Variants in GPHN observed in about 807,000 individuals in gnomAD.
GPHN encodes gephyrin.
Under a neutral mutation model 95.5 loss-of-function variants are expected in GPHN, and 17 were observed. The ratio of observed to expected loss-of-function variants is 0.18; its 90% CI spans 0.12 to 0.27. The LOEUF (loss-of-function observed/expected upper bound fraction) is 0.27. Ranked by LOEUF, GPHN falls within the 10% of genes least tolerant of loss-of-function variation. The pLI is 1.00. For missense variants in GPHN, 660 were observed against 978.1 expected (o/e 0.67, Z 4.34); for synonymous variants, 320 against 322.5 (o/e 0.99, Z 0.08).
the GPHN span, among the ~76,000 whole-genome samples, chr14:67,575,231 C>T: frequency 6.6e-6 from 1 of 152,100 alleles, no homozygotes; most frequent in South Asian, 2.1e-4. Flanking sequence ...GTCATGGCAC[C>T]CTCACTGTGA....
At chr14:67,193,390 GATATATCTAGATATATATCT>G in the GPHN span, among the ~76,000 whole-genome samples, 1 of 132,916 alleles carries the variant, frequency 7.5e-6, no homozygotes, top group African/African-American at 2.8e-5. Context: ...GATATATCTA[GATATATCTAGATATATATCT>G]ATATATCTAT....
the GPHN span, chr14:67,662,969 G>A: frequency 7.4e-7 from 1 of 1,344,888 alleles, no homozygotes; most frequent in Non-Finnish European, 9.5e-7. Context: ...CACTCCCACA[G>A]TGAACCACTT....
chr14:67,343,395 C>A, the GPHN span: 4 of 1,612,462 alleles, frequency 2.5e-6, no homozygotes, highest in Admixed American at 6.7e-5. Flanking sequence ...ATTTACACGC[C>A]TGTTGGTTAT....
intron 5 of GPHN, among the ~76,000 whole-genome samples, chr14:66,881,291 A>G (rs574038184): frequency 6.6e-6 from 1 of 151,952 alleles, no homozygotes; most frequent in Non-Finnish European, 1.5e-5. Context: ...AAGGAACTCC[A>G]GTTGATTCTT....
the GPHN span, chr14:67,279,664 C>G: frequency 1.9e-5 from 18 of 949,712 alleles, no homozygotes; most frequent in Non-Finnish European, 2.5e-5. Flanking sequence ...AGACCAAGAT[C>G]CTTTGTTTTC....
the GPHN span, chr14:67,577,157 C>G: frequency 1.6e-6 from 1 of 643,648 alleles, no homozygotes; most frequent in African/African-American, 1.8e-5. Flanking sequence ...ACCCCACACT[C>G]TATGGATGAT....
At chr14:67,617,250 C>T in the GPHN span, 4 of 152,296 alleles carry the variant, frequency 2.6e-5, no homozygotes, top group African/African-American at 9.6e-5. Flanking sequence ...AATCATGGCT[C>T]ATAGGCATGA....
Position 66,652,280 on chromosome 14 carries a change from C to G in GPHN, c.65-28827C>G, listed in dbSNP as rs2065082227. Among the ~76,000 whole-genome samples the G allele has an allele frequency of 2.0e-5, 3 of 152,022 alleles. No individual in the cohort carries two copies. The South Asian group carries it at 6.2e-4, about 32-fold the overall frequency. ...TTCACTTCATTCCCCTATTGATAAG[C>G]ATTGATGCATCCTGTGTCATATAGA... is the stretch of plus-strand genomic sequence containing the variant. On this transcript the variant is annotated intron_variant, in intron 1 of 22. Coordinates refer to ENST00000478722, the MANE Select transcript of GPHN (RefSeq NM_020806.5).
At chr14:67,273,240 A>G in the GPHN span, among the ~76,000 whole-genome samples, 3 of 151,516 alleles carry the variant, frequency 2.0e-5, no homozygotes, top group Non-Finnish European at 4.4e-5. Context: ...TACATTAGGT[A>G]TATCTCCTAA....
intron 1 of GPHN, among the ~76,000 whole-genome samples, chr14:66,521,969 T>A (rs979827283): frequency 1.3e-5 from 2 of 152,110 alleles, no homozygotes; most frequent in African/African-American, 2.4e-5. Context: ...TCCCTGAGAA[T>A]GTAGTTCATT....
chr14:66,822,325 A>C (rs905910396), intron 3 of GPHN, among the ~76,000 whole-genome samples: 1 of 152,244 alleles, frequency 6.6e-6, no homozygotes, highest in African/African-American at 2.4e-5. Flanking sequence ...GTAATTGAAC[A>C]GATCGTCTCC....
the GPHN span, chr14:67,593,724 T>C: frequency 6.5e-7 from 1 of 1,527,762 alleles, no homozygotes; most frequent in Non-Finnish European, 9.1e-7. Flanking sequence ...CCTGTAATAC[T>C]TACCTTTTAA....
chr14:66,577,693 G>GGTGTCTT, intron 1 of GPHN, among the ~76,000 whole-genome samples: 2 of 152,084 alleles, frequency 1.3e-5, no homozygotes, highest in African/African-American at 2.4e-5. Flanking sequence ...GTGTTTTAGA[G>GGTGTCTT]ACTGATTTTT....
intron 17 of GPHN, among the ~76,000 whole-genome samples, chr14:67,139,711 G>GGGA (rs1374493486): frequency 2.0e-5 from 3 of 152,130 alleles, no homozygotes; most frequent in African/African-American, 7.2e-5. Context: ...CCTGGCTGTT[G>GGGA]TCATATGTTG....
At chr14:66,639,365 G>C (rs1212764461) in intron 1 of GPHN, among the ~76,000 whole-genome samples, 1 of 152,034 alleles carries the variant, frequency 6.6e-6, no homozygotes, top group African/African-American at 2.4e-5. Flanking sequence ...TGATAAGTTA[G>C]ATCCAATTAG....
the GPHN span, chr14:67,570,033 G>T: frequency 6.7e-7 from 1 of 1,484,496 alleles, no homozygotes; most frequent in South Asian, 1.2e-5. Flanking sequence ...GCTGCACAAA[G>T]AGGGGGTGTC....
At chr14:66,824,845 T>G (rs189050670) in intron 4 of GPHN, among the ~76,000 whole-genome samples, 1,828 of 152,270 alleles carry the variant, frequency 0.012, 19 homozygotes, top group Non-Finnish European at 0.018. Context: ...CAGGCACATT[T>G]CCAAAGGAAG....
chr14:67,319,406 T>C, the GPHN span, among the ~76,000 whole-genome samples: 1 of 152,176 alleles, frequency 6.6e-6, no homozygotes, highest in Non-Finnish European at 1.5e-5. Context: ...TTATACCTCA[T>C]TTTGATTCAT....
chr14:67,635,234 A>G, the GPHN span, among the ~76,000 whole-genome samples: 1 of 152,066 alleles, frequency 6.6e-6, no homozygotes, highest in East Asian at 1.9e-4. Flanking sequence ...ACAGAGTAAG[A>G]CCATCTCAAA....
Sources: allele counts gnomAD v4.1 joint callset (sites outside exome capture counted in the v4.1 genomes callset), GRCh38; gene constraint gnomAD v4.1.1; transcripts MANE v1.5; gene names NCBI Gene and HGNC (gene_info 2026-07-23, HGNC 2026-07-21).